Variants in DGCR2 observed in about 807,000 individuals in gnomAD.
The protein encoded by DGCR2 is DiGeorge syndrome critical region gene 2, also known as integral membrane protein DGCR2/IDD.
Under a neutral mutation model 51.6 loss-of-function variants are expected in DGCR2, and 24 were observed. The ratio of observed to expected loss-of-function variants is 0.47; its 90% CI spans 0.34 to 0.65. The LOEUF (loss-of-function observed/expected upper bound fraction) is 0.65, where lower values mean the gene tolerates loss of function less well. Among genes scored for constraint, DGCR2 ranks in the 30% least tolerant of loss-of-function variants. The pLI is 0.01. For synonymous variants in DGCR2, 340 were observed against 315.4 expected, an observed-to-expected ratio of 1.08 and a Z score of -0.82; for missense variants, 765 against 772.1, an observed-to-expected ratio of 0.99 and a Z score of 0.11.
rs61736259 is a variant in DGCR2, at chr22:19,041,173, G to C, written c.1281C>G (p.His427Gln). 19 of 1,613,996 alleles carry C rather than the reference G, an allele frequency of 1.2e-5. No individual in the cohort carries two copies. The highest frequency in any genetic ancestry group is 1.4e-5 in the Non-Finnish European group (16 of 1,179,980). Residue 427 changes from histidine to glutamine, a missense_variant, in exon 9 of 10, where the codon CAC becomes CAG. Transcript: ENST00000263196. ...DDGEGGTFHF[H>Q]DPPPPYTAYK... Reference sequence around the variant, plus strand: ...ATGCCGTGTAGGGAGGTGGAGGGTCGTGGAAATGGAAAGTCCCACCCTCTC... The same window carrying C: ...ATGCCGTGTAGGGAGGTGGAGGGTCCTGGAAATGGAAAGTCCCACCCTCTC...
At chr22:19,087,609 CTTAAGTGA>C (rs964867557) in intron 2 of DGCR2, among the ~76,000 whole-genome samples, 6 of 150,950 alleles carry the variant, frequency 4.0e-5, no homozygotes, top group Admixed American at 6.6e-5. Context: ...AACTCCTGAC[CTTAAGTGA>C]TCCTGCCTGC....
At chr22:19,076,188 T>C (rs1159707870) in intron 2 of DGCR2, among the ~76,000 whole-genome samples, 1 of 151,892 alleles carries the variant, frequency 6.6e-6, no homozygotes, top group Non-Finnish European at 1.5e-5. Context: ...GGGGAAGGAG[T>C]CTTGTCCTGT....
At chr22:19,066,445 A>C (rs1357593975) in intron 3 of DGCR2, among the ~76,000 whole-genome samples, 4 of 152,128 alleles carry the variant, frequency 2.6e-5, no homozygotes, top group Admixed American at 1.3e-4. Context: ...AAAAAAAACA[A>C]AACAACAATA....
chr22:19,112,022 C>G (rs1310874162), intron 1 of DGCR2, among the ~76,000 whole-genome samples: 1 of 151,940 alleles, frequency 6.6e-6, no homozygotes, highest in Non-Finnish European at 1.5e-5. Context: ...CCTATAATCC[C>G]AGCACTTTCA....
chr22:19,079,358 C>A (rs80224207), intron 2 of DGCR2, among the ~76,000 whole-genome samples: 2,498 of 152,278 alleles, frequency 0.016, 87 homozygotes, highest in East Asian at 0.062. Flanking sequence ...AAGGGATACT[C>A]AATCTGTATT....
In DGCR2 at chr22:19,122,212, C is replaced by T. The variant is rs1354728543; in HGVS notation, c.-6G>A. 6.7e-7 allele frequency: 1 copy of T among 1,499,940 alleles called. No homozygotes were observed. The highest frequency in any genetic ancestry group is 8.9e-7 in the Non-Finnish European group (1 of 1,122,454). 92.9% of individuals were successfully genotyped at this position (1,499,940 alleles called of 1,614,324 possible). A position where few individuals can be genotyped will look rare whatever the true frequency, so the allele number is the denominator to read the frequency against. On this transcript the variant is annotated 5_prime_UTR_variant, in exon 1 of 10. Coordinates refer to ENST00000263196, the MANE Select transcript of DGCR2 (RefSeq NM_005137.3). ...CTGTCTGCCTTGGGCACCATTTATCCTCCGTTCATCGTCCCCGGGGCGGCT... is the reference window on the plus strand; with the variant it reads ...CTGTCTGCCTTGGGCACCATTTATCTTCCGTTCATCGTCCCCGGGGCGGCT...
At chr22:19,095,362 C>A (rs1414503856) in intron 1 of DGCR2, among the ~76,000 whole-genome samples, 1 of 150,594 alleles carries the variant, frequency 6.6e-6, no homozygotes, top group East Asian at 2.0e-4. Flanking sequence ...AATTCTGTCT[C>A]AAAAAAACAA....
chr22:19,099,601 T>A (rs2083179186), intron 1 of DGCR2, among the ~76,000 whole-genome samples: 1 of 152,092 alleles, frequency 6.6e-6, no homozygotes, highest in Non-Finnish European at 1.5e-5. Context: ...AAATTGCCTG[T>A]CCTTTCTCAA....
At chr22:19,079,261 T>C (rs1235842824) in intron 2 of DGCR2, among the ~76,000 whole-genome samples, 1 of 152,050 alleles carries the variant, frequency 6.6e-6, no homozygotes, top group Admixed American at 6.6e-5. Context: ...CTCACTGGAG[T>C]GTTCAACTGG....
chr22:19,058,224 CAGG>C (rs1176856928), intron 5 of DGCR2, among the ~76,000 whole-genome samples: 1 of 152,184 alleles, frequency 6.6e-6, no homozygotes, highest in Admixed American at 6.5e-5. Context: ...CTGCCATGGG[CAGG>C]AGGACAGCTC....
chr22:19,067,241 G>A (rs1242836667), intron 3 of DGCR2, among the ~76,000 whole-genome samples: 3 of 152,206 alleles, frequency 2.0e-5, no homozygotes, highest in African/African-American at 7.2e-5. Context: ...GTCCACAGCC[G>A]CTGCTCAGCG....
At chr22:19,076,778 T>A (rs951593895) in intron 2 of DGCR2, among the ~76,000 whole-genome samples, 1 of 142,856 alleles carries the variant, frequency 7.0e-6, no homozygotes, top group Non-Finnish European at 1.5e-5. Context: ...TCTCCCAGTC[T>A]GGAGTGCAGT....
chr22:19,081,690 C>A (rs886899894), intron 2 of DGCR2, among the ~76,000 whole-genome samples: 1 of 152,164 alleles, frequency 6.6e-6, no homozygotes, highest in Non-Finnish European at 1.5e-5. Context: ...CCAGAGTTTC[C>A]CTAAATAGAA....
chr22:19,090,569 C>T (rs1719548286), intron 1 of DGCR2, among the ~76,000 whole-genome samples: 1 of 152,146 alleles, frequency 6.6e-6, no homozygotes, highest in South Asian at 2.1e-4. Flanking sequence ...TTAAAGCAAA[C>T]ACACAGATAC....
At chr22:19,062,004 G>C (rs1425543208) in intron 5 of DGCR2, among the ~76,000 whole-genome samples, 2 of 152,154 alleles carry the variant, frequency 1.3e-5, no homozygotes, top group Non-Finnish European at 2.9e-5. Context: ...GAGGCCCCCA[G>C]TCCCCAACTC....
At chr22:19,076,631 T>C (rs1192643679) in intron 2 of DGCR2, among the ~76,000 whole-genome samples, 2 of 152,174 alleles carry the variant, frequency 1.3e-5, no homozygotes, top group South Asian at 2.1e-4. Flanking sequence ...GCTATTTCAC[T>C]GCTGTTTTGA....
At chr22:19,113,381 A>G (rs955049550) in intron 1 of DGCR2, among the ~76,000 whole-genome samples, 1 of 125,414 alleles carries the variant, frequency 8.0e-6, no homozygotes, top group Admixed American at 7.5e-5. Context: ...AAAAATAAAA[A>G]TAAAAAAAAA....
intron 3 of DGCR2, 132 bp from the exon 4 acceptor site, chr22:19,065,199 A>T: frequency 1.4e-6 from 1 of 738,746 alleles, no homozygotes; most frequent in Non-Finnish European, 2.2e-6. Flanking sequence ...GCTCAAGAGG[A>T]CAAGGTCTGC....
At chr22:19,102,242 T>A (rs943096051) in intron 1 of DGCR2, among the ~76,000 whole-genome samples, 7 of 152,154 alleles carry the variant, frequency 4.6e-5, no homozygotes, top group African/African-American at 1.7e-4. Flanking sequence ...GGATGGAAAG[T>A]AGAATGGTGG....
Sources: gnomAD v4.1 joint callset for allele counts (sites outside exome capture counted in the v4.1 genomes callset) on GRCh38, gnomAD v4.1.1 for gene constraint, MANE v1.5 for transcripts, NCBI Gene and HGNC (gene_info 2026-07-23, HGNC 2026-07-21) for gene names.